Variants in DMRT3 observed in about 807,000 individuals in gnomAD.
DMRT3 encodes doublesex and mab-3 related transcription factor 3.
Under a neutral mutation model 34.9 loss-of-function variants are expected in DMRT3, and 29 were observed. The observed-to-expected ratio is 0.83, with a 90% CI of 0.62 to 1.13. DMRT3 has a LOEUF of 1.13. Ranked by LOEUF, DMRT3 falls within the 50% of genes most tolerant of loss-of-function variation. The pLI, the probability that DMRT3 is intolerant of heterozygous loss-of-function variation, is 0.00. For missense variants in DMRT3, 772 were observed against 629.1 expected (o/e 1.23, Z -2.43); for synonymous variants, 350 against 286.0 (o/e 1.22, Z -2.26).
intron 1 of DMRT3, among the ~76,000 whole-genome samples, chr9:984,971 A>C (rs1380607421): frequency 6.6e-6 from 1 of 152,192 alleles, no homozygotes; most frequent in African/African-American, 2.4e-5. Flanking sequence ...TGTAGCAAAA[A>C]AAGAAAAAAA....
chr9:978,265 A>C lies in DMRT3; in HGVS notation c.454+810A>C, dbSNP rs117704723. Among the ~76,000 whole-genome samples the C allele has an allele frequency of 4.7e-3, 715 of 152,250 alleles. 20 individuals carry two copies. In the East Asian group the frequency reaches 0.057, roughly 12 times the overall value. ...GATCCCCCACCACCCATCCGTTTCC[A>C]TCCAGGCCTCCTGAGCTTGGCAGGC... is the stretch of plus-strand genomic sequence containing the variant. On this transcript the variant is annotated intron_variant, in intron 1 of 1. Transcript: ENST00000190165.
chr9:983,529 A>G (rs1339786814), intron 1 of DMRT3, among the ~76,000 whole-genome samples: 4 of 152,190 alleles, frequency 2.6e-5, no homozygotes, highest in Admixed American at 1.3e-4. Flanking sequence ...CTCAGTGGTC[A>G]AGAGGCAATG....
intron 1 of DMRT3, among the ~76,000 whole-genome samples, chr9:989,214 C>G (rs902889057): frequency 4.6e-5 from 7 of 152,244 alleles, no homozygotes; most frequent in African/African-American, 1.7e-4. Context: ...GCACAGGTAT[C>G]TGCCTCGTGC....
rs532029834 is a variant in DMRT3, at chr9:991,039, T to C, written c.*34T>C. The C allele has an allele frequency of 1.9e-6, 3 of 1,574,462 alleles. No individual in the cohort carries two copies. Among genetic ancestry groups the C allele is most frequent in the Non-Finnish European group, 1.7e-6 (2 of 1,157,300 alleles). ...TGGATGGGTGGTGGCCAGGTGACAT[T>C]TTCTGTGCGTTTTGACCCTGAGGCA... On this transcript the variant is annotated 3_prime_UTR_variant, in exon 2 of 2. Transcript: ENST00000190165.
chr9:977,623 G>A (rs946659392), intron 1 of DMRT3, among the ~76,000 whole-genome samples, 168 bp downstream of exon 1: 1 of 152,168 alleles, frequency 6.6e-6, no homozygotes, highest in Admixed American at 6.5e-5. Context: ...GGGAGAAGCC[G>A]GCTGAGTCTG....
chr9:977,284 C>T lies in DMRT3; in HGVS notation c.283C>T (p.Pro95Ser), dbSNP rs1026486767. 1.4e-5 allele frequency: 20 copies of T among 1,444,714 alleles called. No homozygotes were observed. Among genetic ancestry groups the T allele is most frequent in the Admixed American group, 4.6e-5 (2 of 43,252 alleles). 89.5% of individuals were successfully genotyped at this position (1,444,714 alleles called of 1,614,324 possible). A position where few individuals can be genotyped will look rare whatever the true frequency, so the allele number is the denominator to read the frequency against. The stretch of plus-strand genomic sequence containing the variant: ...CATCCCCGACTCGCTGCGCGCTCTG[C>T]CAGGGCCCCCGCCGCCGGGGGACGC... ...SLIPDSLRAL[P>S]GPPPPGDAVA... is the part of the protein sequence containing the mutation. The change falls in exon 1 of 2, where the codon CCA becomes TCA. Residue 95 changes from proline (P) to serine (S), a missense_variant. Coordinates refer to ENST00000190165, the MANE Select transcript of DMRT3 (RefSeq NM_021240.4).
At chr9:982,318 A>G (rs375345402) in intron 1 of DMRT3, among the ~76,000 whole-genome samples, 1 of 152,176 alleles carries the variant, frequency 6.6e-6, no homozygotes, top group Non-Finnish European at 1.5e-5. Context: ...GAAAAACGAG[A>G]GTGTGTTCCA....
chr9:982,050 T>C (rs1039128142), intron 1 of DMRT3, among the ~76,000 whole-genome samples: 6 of 152,210 alleles, frequency 3.9e-5, no homozygotes, highest in Admixed American at 1.3e-4. Flanking sequence ...GATGCCAATA[T>C]TGCATGGGAC....
intron 1 of DMRT3, among the ~76,000 whole-genome samples, chr9:987,750 C>T (rs16926998): frequency 1.3e-5 from 2 of 151,770 alleles, no homozygotes; most frequent in East Asian, 1.9e-4. Flanking sequence ...CTGATAATTA[C>T]GCTAAAATTA....
rs2130077756 is a variant in DMRT3 at position 990,604 on chromosome 9, T to C, written c.1018T>C (p.Leu340=). 2 of 1,614,072 alleles carry C rather than the reference T, an allele frequency of 1.2e-6. No homozygotes were observed. Among genetic ancestry groups the C allele is most frequent in the South Asian group, 1.1e-5 (1 of 91,076 alleles). ...ATCAGCCTTTCGAGTCCCAGACACG[T>C]TGAGGTTTTCTGCCGACTCTAGCAA... ...VGSAFRVPDT[L]RFSADSSNVV... is the part of the protein sequence containing the mutation. The change falls in exon 2 of 2, where the codon TTG becomes CTG. Residue 340 remains leucine (L), a synonymous_variant. Transcript: ENST00000190165.
At chr9:989,966 C>G in intron 1 of DMRT3, 75 bp from the exon 2 acceptor site, 8 of 1,552,500 alleles carry the variant, frequency 5.2e-6, no homozygotes, top group Non-Finnish European at 6.9e-6. Flanking sequence ...AGCACGTGTA[C>G]AGGTCTCTTC....
chr9:987,141 C>A (rs1820296137), intron 1 of DMRT3, among the ~76,000 whole-genome samples: 1 of 152,140 alleles, frequency 6.6e-6, no homozygotes, highest in African/African-American at 2.4e-5. Flanking sequence ...CCATCACCAC[C>A]ATCCATCTTC....
rs1259610684 is a variant in DMRT3, at chr9:990,194, G to A, written c.608G>A (p.Gly203Glu). 1 of 1,613,996 alleles carries A rather than the reference G, an allele frequency of 6.2e-7. No homozygotes were observed. Among genetic ancestry groups the A allele is most frequent in the Non-Finnish European group, 8.5e-7 (1 of 1,179,998 alleles). The change falls in exon 2 of 2, where the codon GGG becomes GAG. Residue 203 changes from glycine (G) to glutamate (E), a missense_variant. Physicochemically the swap from Gly to Glu is moderately conservative, Grantham distance 98 (BLOSUM62 -2). Transcript: ENST00000190165. The stretch of plus-strand genomic sequence containing the variant: ...CCTGAGATAGTGTCCGTGGAGGAAG[G>A]GGGATACGCTGTCCAGAAAAACGGA... ...ESPEIVSVEEGGYAVQKNGGN... is the reference protein window; with the variant it reads ...ESPEIVSVEEEGYAVQKNGGN...
At chr9:985,610 A>T (rs148085801) in intron 1 of DMRT3, among the ~76,000 whole-genome samples, 301 of 152,350 alleles carry the variant, frequency 2.0e-3, no homozygotes, top group Non-Finnish European at 3.3e-3. Context: ...AATAATTTAC[A>T]ATATATTTAG....
At chr9:979,602 A>G in intron 1 of DMRT3, among the ~76,000 whole-genome samples, 1 of 152,084 alleles carries the variant, frequency 6.6e-6, no homozygotes, top group Admixed American at 6.6e-5. Context: ...CATAATTCCC[A>G]TTTTTTTAAA....
At chr9:978,441 C>G (rs765347198) in intron 1 of DMRT3, among the ~76,000 whole-genome samples, 3 of 152,204 alleles carry the variant, frequency 2.0e-5, no homozygotes, top group Admixed American at 6.5e-5. Context: ...AGGAACACAG[C>G]CCACCTTCTC....
chr9:981,434 A>G (rs1212354832), intron 1 of DMRT3, among the ~76,000 whole-genome samples: 1 of 152,200 alleles, frequency 6.6e-6, no homozygotes, highest in African/African-American at 2.4e-5. Context: ...ATTGAAAAAC[A>G]GGGTCTCATT....
intron 1 of DMRT3, among the ~76,000 whole-genome samples, chr9:980,091 T>C (rs545559244): frequency 5.5e-5 from 2 of 36,598 alleles, no homozygotes; most frequent in African/African-American, 1.4e-4. Context: ...TGAAGAGAGA[T>C]TTTTTTTTCT....
chr9:981,568 C>G (rs1331926793), intron 1 of DMRT3, among the ~76,000 whole-genome samples: 10 of 152,352 alleles, frequency 6.6e-5, no homozygotes, highest in African/African-American at 2.2e-4. Context: ...CACCCCAGGG[C>G]TGGCTCTTGG....
Sources: allele counts gnomAD v4.1 joint callset (sites outside exome capture counted in the v4.1 genomes callset), GRCh38; gene constraint gnomAD v4.1.1; transcripts MANE v1.5; gene names NCBI Gene and HGNC (gene_info 2026-07-23, HGNC 2026-07-21).